The following NOL4 variants were observed in gnomAD, a reference collection of about 807,000 sequenced individuals.
NOL4 encodes cancer/testis antigen 125.
In NOL4, 17 loss-of-function variants were observed where a neutral mutation model predicts 75.9. The ratio of observed to expected loss-of-function variants is 0.22; its 90% CI spans 0.15 to 0.34. The LOEUF is 0.34. Ranked by LOEUF, NOL4 falls within the 10% of genes least tolerant of loss-of-function variation. The pLI is 1.00. For missense variants in NOL4, 614 were observed against 793.5 expected (o/e 0.77, Z 2.72); for synonymous variants, 292 against 289.9 (o/e 1.01, Z -0.07).
At chr18:34,210,052 G>A (rs1335278623) in intron 1 of NOL4, among the ~76,000 whole-genome samples, 3 of 152,086 alleles carry the variant, frequency 2.0e-5, no homozygotes, top group African/African-American at 7.2e-5. Context: ...GTTATCAATT[G>A]TGAAGCTGTT....
At chr18:34,044,676 T>C (rs2076283288) in intron 5 of NOL4, among the ~76,000 whole-genome samples, 1 of 152,162 alleles carries the variant, frequency 6.6e-6, no homozygotes, top group Non-Finnish European at 1.5e-5. Context: ...ATGATCTACA[T>C]TATGAGTAAG....
intron 10 of NOL4, among the ~76,000 whole-genome samples, chr18:33,867,674 ACACAC>A (rs1245858744): frequency 1.3e-5 from 2 of 151,526 alleles, no homozygotes; most frequent in Non-Finnish European, 2.9e-5. Flanking sequence ...ACACACACAC[ACACAC>A]AATTCCATAT....
chr18:34,210,655 A>G (rs962890227), intron 1 of NOL4, among the ~76,000 whole-genome samples: 2 of 152,182 alleles, frequency 1.3e-5, no homozygotes, highest in Admixed American at 6.5e-5. Flanking sequence ...CTATTAAAAG[A>G]GCTTTTAGTA....
chr18:34,079,970 A>G (rs1305084773), intron 5 of NOL4, among the ~76,000 whole-genome samples: 1 of 152,276 alleles, frequency 6.6e-6, no homozygotes, highest in African/African-American at 2.4e-5. Context: ...TTCATTGGGA[A>G]AATCCTGAAT....
intron 1 of NOL4, among the ~76,000 whole-genome samples, 161 bp from the exon 2 acceptor site, chr18:34,130,181 T>C (rs2080574531): frequency 6.6e-6 from 1 of 152,062 alleles, no homozygotes; most frequent in African/African-American, 2.4e-5. Context: ...ATTTTATGCA[T>C]TACTTACATA....
chr18:34,198,010 T>C (rs1337116268), intron 1 of NOL4, among the ~76,000 whole-genome samples: 1 of 151,776 alleles, frequency 6.6e-6, no homozygotes, highest in Non-Finnish European at 1.5e-5. Context: ...TTAAACAAAA[T>C]TTACAAGAGT....
intron 6 of NOL4, among the ~76,000 whole-genome samples, chr18:34,001,173 G>C (rs1238497654): frequency 6.6e-6 from 1 of 152,088 alleles, no homozygotes; most frequent in Non-Finnish European, 1.5e-5. Flanking sequence ...GGTTCAGAAA[G>C]CATAATCATT....
At chr18:34,096,823 C>T (rs2078807265) in intron 4 of NOL4, among the ~76,000 whole-genome samples, 1 of 152,098 alleles carries the variant, frequency 6.6e-6, no homozygotes, top group Admixed American at 6.6e-5. Flanking sequence ...CCCTTTTAAA[C>T]ACGGCACTTA....
intron 9 of NOL4, among the ~76,000 whole-genome samples, chr18:33,902,539 G>A (rs1005811025): frequency 7.9e-5 from 12 of 152,194 alleles, no homozygotes; most frequent in Admixed American, 7.9e-4. Flanking sequence ...TTCTTGATAT[G>A]TCTGAATTTT....
At chr18:33,969,536 A>G (rs1600096325) in intron 6 of NOL4, among the ~76,000 whole-genome samples, 1 of 152,116 alleles carries the variant, frequency 6.6e-6, no homozygotes, top group Non-Finnish European at 1.5e-5. Context: ...GTCACATTCC[A>G]CTGTGTGAAG....
chr18:34,201,384 G>A (rs796634052), intron 1 of NOL4, among the ~76,000 whole-genome samples: 4 of 151,794 alleles, frequency 2.6e-5, no homozygotes, highest in African/African-American at 9.6e-5. Context: ...TGACAGAGCT[G>A]GAAATAAAAC....
chr18:33,971,773 T>C (rs889295835), intron 6 of NOL4, among the ~76,000 whole-genome samples: 1 of 149,284 alleles, frequency 6.7e-6, no homozygotes, highest in Non-Finnish European at 1.5e-5. Flanking sequence ...ATATAAATAT[T>C]TTTTTTTCTG....
At chr18:34,028,153 C>T (rs1190140784) in intron 5 of NOL4, among the ~76,000 whole-genome samples, 1 of 152,122 alleles carries the variant, frequency 6.6e-6, no homozygotes, top group Non-Finnish European at 1.5e-5. Context: ...CATAGTACCC[C>T]CCCAACCCCA....
At chr18:34,063,913 A>G (rs919528333) in intron 5 of NOL4, among the ~76,000 whole-genome samples, 2 of 152,032 alleles carry the variant, frequency 1.3e-5, no homozygotes, top group Admixed American at 6.6e-5. Flanking sequence ...GAGTTCTACA[A>G]AAGTGCTTTT....
chr18:34,088,388 C>T (rs1356859670), intron 5 of NOL4, among the ~76,000 whole-genome samples: 1 of 151,984 alleles, frequency 6.6e-6, no homozygotes, highest in Admixed American at 6.6e-5. Flanking sequence ...ATCCATGCTT[C>T]CATAAATGAC....
At chr18:34,023,870 T>C (rs1469261700) in intron 5 of NOL4, among the ~76,000 whole-genome samples, 1 of 152,096 alleles carries the variant, frequency 6.6e-6, no homozygotes, top group East Asian at 1.9e-4. Flanking sequence ...TTATTCATTT[T>C]ATTGTTTCTC....
chr18:34,221,862 C>G lies in NOL4; in HGVS notation c.264+1128G>C, dbSNP rs1055134478. ...ATTAGAGATAGAATAGCTTTCAAAG[C>G]GTCTCCTTTCTAGCATCCTCCAGGA... On this transcript the variant is annotated intron_variant, in intron 1 of 10. Coordinates refer to ENST00000261592, the MANE Select transcript of NOL4 (RefSeq NM_003787.5). Among the ~76,000 whole-genome samples the G allele has an allele frequency of 2.0e-5, 3 of 152,124 alleles. No homozygotes were observed. In the East Asian group the frequency reaches 5.8e-4, roughly 29 times the overall value.
chr18:34,203,344 T>G (rs1016585212), intron 1 of NOL4, among the ~76,000 whole-genome samples: 3 of 151,918 alleles, frequency 2.0e-5, no homozygotes, highest in African/African-American at 7.2e-5. Flanking sequence ...CTTGTGGTAT[T>G]AGAACTGTTC....
At chr18:33,994,825 A>T (rs999476584) in intron 6 of NOL4, among the ~76,000 whole-genome samples, 3 of 151,728 alleles carry the variant, frequency 2.0e-5, no homozygotes, top group African/African-American at 7.2e-5. Flanking sequence ...GAATAGAGAA[A>T]CAATAGGCAA....
Sources: allele counts gnomAD v4.1 joint callset (sites outside exome capture counted in the v4.1 genomes callset), GRCh38; gene constraint gnomAD v4.1.1; transcripts MANE v1.5; gene names NCBI Gene and HGNC (gene_info 2026-07-23, HGNC 2026-07-21).